MYO3B: variants seen among roughly 807,000 people sequenced by gnomAD.
The protein encoded by MYO3B is myosin-IIIb.
In MYO3B, 156 loss-of-function variants were observed where a neutral mutation model predicts 174.6. The ratio of observed to expected loss-of-function variants is 0.89; its 90% CI spans 0.78 to 1.02. The LOEUF (loss-of-function observed/expected upper bound fraction) is 1.02. Among genes scored for constraint, MYO3B ranks in the 50% least tolerant of loss-of-function variants. The probability of loss-of-function intolerance (pLI) is 0.00; values close to 1 mark genes in which losing one functional copy is unlikely to be tolerated. For synonymous variants in MYO3B, 563 were observed against 569.1 expected, an observed-to-expected ratio of 0.99 and a Z score of 0.15; for missense variants, 1,632 against 1,639.4, an observed-to-expected ratio of 1.00 and a Z score of 0.08.
At chr2:170,283,913 A>G (rs2093533692) in intron 7 of MYO3B, among the ~76,000 whole-genome samples, 1 of 152,246 alleles carries the variant, frequency 6.6e-6, no homozygotes, top group Non-Finnish European at 1.5e-5. Flanking sequence ...AGATGCATAC[A>G]TGTACATCAC....
At chr2:170,357,914 A>G (rs1379776351) in intron 8 of MYO3B, among the ~76,000 whole-genome samples, 1 of 152,210 alleles carries the variant, frequency 6.6e-6, no homozygotes, top group African/African-American at 2.4e-5. Flanking sequence ...GCACTTTGGG[A>G]GGCCAAGGTG....
intron 25 of MYO3B, among the ~76,000 whole-genome samples, chr2:170,482,290 G>T (rs1685746161): frequency 6.6e-6 from 1 of 152,114 alleles, no homozygotes; most frequent in African/African-American, 2.4e-5. Flanking sequence ...GAGTAGCTGG[G>T]ATTACAGGTG....
chr2:170,325,725 G>A (rs560248646), intron 7 of MYO3B, among the ~76,000 whole-genome samples: 239 of 152,206 alleles, frequency 1.6e-3, no homozygotes, highest in Non-Finnish European at 2.8e-3. Context: ...GCGTAGTTAA[G>A]CTCAGGGGCA....
chr2:170,197,471 G>A (rs1427875187), intron 1 of MYO3B, among the ~76,000 whole-genome samples: 1 of 152,130 alleles, frequency 6.6e-6, no homozygotes, highest in Non-Finnish European at 1.5e-5. Flanking sequence ...GTGATTCTTG[G>A]GATCTTCTCT....
Position 170,387,147 on chromosome 2 carries a change from C to CTTGTAGACT in MYO3B, c.1417_1418insTGTAGACTT (p.Asn472_Ser473insLeuTer). The CTTGTAGACT allele has an allele frequency of 1.2e-6, 2 of 1,614,094 alleles. No homozygotes were observed. The highest frequency in any genetic ancestry group is 8.5e-7 in the Non-Finnish European group (1 of 1,179,948). The stretch of plus-strand genomic sequence containing the variant: ...TGAGAGAGAAAATTCTACAAGTCAA[C>CTTGTAGACT]TCCCTGGTGGAAGCCTTTGGGAACT... On this transcript the variant is annotated stop_gained and inframe_insertion, in exon 14 of 35. Coordinates refer to ENST00000408978, the MANE Select transcript of MYO3B (RefSeq NM_138995.5). LOFTEE classifies it high-confidence loss of function.
intron 6 of MYO3B, among the ~76,000 whole-genome samples, chr2:170,224,675 A>C (rs926770559): frequency 2.2e-4 from 34 of 152,090 alleles, no homozygotes; most frequent in African/African-American, 8.0e-4. Context: ...CTGTTTCTGT[A>C]CTGGAAAACA....
At chr2:170,407,570 C>A in intron 21 of MYO3B, 145 bp from the exon 22 acceptor site, 3 of 901,874 alleles carry the variant, frequency 3.3e-6, no homozygotes, top group South Asian at 3.6e-5. Context: ...ATAATTATTC[C>A]CTTTATCTGG....
rs2093784956 is a variant in MYO3B at position 170,317,568 on chromosome 2, A to G, written c.750-17817A>G. On this transcript the variant is annotated intron_variant, in intron 7 of 34. Transcript: ENST00000408978. The stretch of plus-strand genomic sequence containing the variant: ...TTGATTTGTCCCTTATCCTCATCCT[A>G]ATACTCTAGTTTGCCCCATCACCAG... Among the ~76,000 whole-genome samples, 3 of 152,104 alleles carry G rather than the reference A, an allele frequency of 2.0e-5. No individual in the cohort carries two copies. In the South Asian group the frequency reaches 6.2e-4, roughly 32 times the overall value.
Position 170,401,618 on chromosome 2 carries a change from G to A in MYO3B, c.2056G>A (p.Ala686Thr), listed in dbSNP as rs1292191524. Residue 686 changes from alanine (A) to threonine (T), a missense_variant, in exon 18 of 35, where the codon GCC becomes ACC. By Grantham distance (58) the Ala-to-Thr change is moderately conservative (BLOSUM62 0). Coordinates refer to ENST00000408978, the MANE Select transcript of MYO3B (RefSeq NM_138995.5). ...AADVRDAMSK[A>T]LYGRLFSWIV... ...GGACGTTCGAGACGCCATGTCCAAA[G>A]CCCTGTATGGGAGGCTCTTCAGCTG... 6.2e-7 allele frequency: 1 copy of A among 1,613,968 alleles called. No individual in the cohort carries two copies. The highest frequency in any genetic ancestry group is 1.7e-5 in the Admixed American group (1 of 59,994).
intron 9 of MYO3B, among the ~76,000 whole-genome samples, chr2:170,373,900 C>T (rs909378611): frequency 2.6e-5 from 4 of 150,982 alleles, no homozygotes; most frequent in Non-Finnish European, 5.9e-5. Flanking sequence ...ATCGTTAAAT[C>T]TTTGAGATAT....
At chr2:170,396,366 T>G (rs1054660804) in intron 16 of MYO3B, among the ~76,000 whole-genome samples, 1 of 152,094 alleles carries the variant, frequency 6.6e-6, no homozygotes, top group African/African-American at 2.4e-5. Context: ...GGTGGACATA[T>G]AACTAATTGA....
chr2:170,391,683 G>A (rs947045707), intron 15 of MYO3B, 65 bp downstream of exon 15: 21 of 927,904 alleles, frequency 2.3e-5, no homozygotes, highest in Non-Finnish European at 3.2e-5. Flanking sequence ...GACAAACTTG[G>A]AAGTAAATGG....
At chr2:170,517,504 C>T (rs1450392065) in intron 29 of MYO3B, among the ~76,000 whole-genome samples, 1 of 151,680 alleles carries the variant, frequency 6.6e-6, no homozygotes, top group East Asian at 1.9e-4. Flanking sequence ...GGCTATTGCT[C>T]CTTATTATTT....
chr2:170,297,921 A>G (rs552046858), intron 7 of MYO3B, among the ~76,000 whole-genome samples: 1 of 152,356 alleles, frequency 6.6e-6, no homozygotes, highest in East Asian at 1.9e-4. Context: ...AGGTGCCATC[A>G]TGAGACCAAA....
intron 22 of MYO3B, among the ~76,000 whole-genome samples, chr2:170,442,268 C>T (rs904034095): frequency 6.6e-6 from 1 of 152,090 alleles, no homozygotes; most frequent in African/African-American, 2.4e-5. Context: ...GTTCCTAATA[C>T]TTGTGAACAC....
chr2:170,306,912 C>A (rs538499560), intron 7 of MYO3B, among the ~76,000 whole-genome samples: 8 of 152,122 alleles, frequency 5.3e-5, no homozygotes, highest in Non-Finnish European at 8.8e-5. Flanking sequence ...TAATTAATTT[C>A]TTTTTACAAG....
intron 32 of MYO3B, among the ~76,000 whole-genome samples, chr2:170,622,130 A>G (rs958926811): frequency 3.3e-5 from 5 of 152,220 alleles, no homozygotes; most frequent in African/African-American, 1.2e-4. Flanking sequence ...TATAGTTCTA[A>G]AAAGAAAAAT....
Position 170,259,499 on chromosome 2 carries a change from A to C in MYO3B, c.749+23363A>C, listed in dbSNP as rs947203709. Among the ~76,000 whole-genome samples the C allele has an allele frequency of 6.6e-5, 10 of 152,348 alleles. No homozygotes were observed. The East Asian group carries it at 1.9e-3, about 29-fold the overall frequency. On this transcript the variant is annotated intron_variant, in intron 7 of 34. Coordinates refer to ENST00000408978, the MANE Select transcript of MYO3B (RefSeq NM_138995.5). ...ATAAATCGTGCTTGGATAACTGGCT[A>C]TCCTTTTGCAGAAGAATGAAGCTAG...
chr2:170,359,643 C>T (rs1294370381), intron 8 of MYO3B, among the ~76,000 whole-genome samples: 2 of 152,160 alleles, frequency 1.3e-5, no homozygotes, highest in Non-Finnish European at 2.9e-5. Flanking sequence ...TGAACTTCCT[C>T]AAAAGGCTAC....
Sources: allele counts gnomAD v4.1 joint callset (sites outside exome capture counted in the v4.1 genomes callset), GRCh38; gene constraint gnomAD v4.1.1; transcripts MANE v1.5; gene names NCBI Gene and HGNC (gene_info 2026-07-23, HGNC 2026-07-21).